The following USP39 variants were observed in gnomAD, a reference collection of about 807,000 sequenced individuals.
USP39 encodes the protein ubiquitin carboxyl-terminal hydrolase 39.
A neutral mutation model predicts 66.4 loss-of-function variants in USP39; 38 were observed. The ratio of observed to expected loss-of-function variants is 0.57; its 90% CI spans 0.44 to 0.75. The LOEUF (loss-of-function observed/expected upper bound fraction) is 0.75. Among genes scored for constraint, USP39 ranks in the 30% least tolerant of loss-of-function variants. USP39 has a pLI of 0.00. For synonymous variants in USP39, 303 were observed against 274.6 expected (o/e 1.10, Z -1.02); for missense variants, 608 against 714.4 (o/e 0.85, Z 1.70).
intron 3 of USP39, among the ~76,000 whole-genome samples, chr2:85,622,827 A>G (rs1188993912): frequency 6.6e-6 from 1 of 152,110 alleles, no homozygotes; most frequent in Non-Finnish European, 1.5e-5. Context: ...AGGATTGTTT[A>G]AAGTCAAGAG....
At position 85,648,710 on chromosome 2, in the gene USP39, C is replaced by A. The variant is rs373470077; in HGVS notation, c.1651-51C>A. The A allele has an allele frequency of 6.3e-6, 10 of 1,595,376 alleles. No individual in the cohort carries two copies. The African/African-American group carries it at 1.2e-4, about 19-fold the overall frequency. On this transcript the variant is annotated intron_variant, in intron 12 of 12. Coordinates refer to ENST00000323701, the MANE Select transcript of USP39 (RefSeq NM_006590.4). ...CACAGAATAGGTATTTGATAAGTGT[C>A]TGTTGACTGAATGCCTCCTAGACTT... is the stretch of plus-strand genomic sequence containing the variant.
chr2:85,617,902 C>G (rs1674119163), intron 1 of USP39, among the ~76,000 whole-genome samples: 1 of 151,916 alleles, frequency 6.6e-6, no homozygotes, highest in Admixed American at 6.6e-5. Flanking sequence ...AGGGTAAGAT[C>G]TGAGACCCAC....
chr2:85,637,581 G>A (rs1045281351), intron 8 of USP39, 145 bp downstream of exon 8: 9 of 814,190 alleles, frequency 1.1e-5, no homozygotes, highest in Admixed American at 9.5e-5. Flanking sequence ...AGCTCTGCCT[G>A]GTCCCTGTCA....
In USP39 at chr2:85,630,816, G is replaced by A. The variant is rs1172819978; in HGVS notation, c.819G>A (p.Leu273=). ...KRPPGDIMFL[L]VQRFGELMRK... is the part of the protein sequence containing the mutation. ...CTCCAGGGGATATCATGTTCTTGTT[G>A]GTCCAGCGTTTTGGAGAGCTGATGA... Residue 273 remains leucine (L), a synonymous_variant, in exon 6 of 13, where the codon TTG becomes TTA. Coordinates refer to ENST00000323701, the MANE Select transcript of USP39 (RefSeq NM_006590.4). The A allele has an allele frequency of 6.2e-7, 1 of 1,614,140 alleles. No individual in the cohort carries two copies. Among genetic ancestry groups the A allele is most frequent in the Non-Finnish European group, 8.5e-7 (1 of 1,180,032 alleles).
chr2:85,647,814 T>A (rs758447451), intron 11 of USP39, 116 bp from the exon 12 acceptor site: 57 of 810,582 alleles, frequency 7.0e-5, no homozygotes, highest in Non-Finnish European at 1.1e-4. Context: ...TGACTGTTGC[T>A]GGATGATGTC....
intron 1 of USP39, among the ~76,000 whole-genome samples, chr2:85,604,014 A>AC (rs1182650703): frequency 5.3e-5 from 8 of 152,184 alleles, no homozygotes; most frequent in African/African-American, 1.9e-4. Flanking sequence ...ACAGATCATC[A>AC]CCTGAATGGT....
chr2:85,616,177 G>T, upstream of USP39: 9 of 1,401,790 alleles, frequency 6.4e-6, no homozygotes, highest in South Asian at 3.2e-5. Flanking sequence ...TGCGCTGGAC[G>T]ACTCGGCCGG....
chr2:85,614,386 T>C (rs1372109938), upstream of USP39, among the ~76,000 whole-genome samples: 2 of 151,924 alleles, frequency 1.3e-5, no homozygotes, highest in Non-Finnish European at 2.9e-5. Context: ...TGGTGGCAGG[T>C]GCATGTAATC....
Position 85,641,116 on chromosome 2 carries a change from T to TA in USP39, c.1426dup (p.Thr476AsnfsTer11). The TA allele has an allele frequency of 6.2e-7, 1 of 1,612,500 alleles. No homozygotes were observed. The highest frequency in any genetic ancestry group is 8.5e-7 in the Non-Finnish European group (1 of 1,179,570). ...ATCCAACTATTGTCAATTTCCCTATTACGTAAGTAACATCCTGCCTCACTT... is the reference window on the plus strand; with the variant it reads ...ATCCAACTATTGTCAATTTCCCTATTAACGTAAGTAACATCCTGCCTCACTT... On this transcript the variant is annotated frameshift_variant and splice_region_variant, in exon 10 of 13. Transcript: ENST00000323701. LOFTEE classifies it high-confidence loss of function.
At chr2:85,612,621 G>A (rs1335111646), upstream of USP39, among the ~76,000 whole-genome samples, 1 of 152,106 alleles carries the variant, frequency 6.6e-6, no homozygotes, top group East Asian at 1.9e-4. Context: ...GGGTTTTTGA[G>A]GGACCTACGG....
chr2:85,636,194 G>A (rs972085486), intron 7 of USP39, 64 bp downstream of exon 7: 29 of 1,479,480 alleles, frequency 2.0e-5, no homozygotes, highest in Admixed American at 8.6e-5. Flanking sequence ...GCGGTCGGTC[G>A]CAATGGCTCA....
At chr2:85,615,437 G>A (rs1370243454), upstream of USP39, among the ~76,000 whole-genome samples, 4 of 152,162 alleles carry the variant, frequency 2.6e-5, no homozygotes, top group Admixed American at 6.5e-5. Flanking sequence ...TTAGCTTCAT[G>A]GTAAATCTGC....
chr2:85,604,645 C>G (rs529808286), intron 1 of USP39, among the ~76,000 whole-genome samples: 4 of 152,332 alleles, frequency 2.6e-5, no homozygotes, highest in Non-Finnish European at 5.9e-5. Flanking sequence ...TCACCTGCCG[C>G]TGGCTATGCT....
intron 1 of USP39, among the ~76,000 whole-genome samples, chr2:85,604,146 A>G (rs1262895277): frequency 1.3e-5 from 2 of 152,196 alleles, no homozygotes; most frequent in Non-Finnish European, 2.9e-5. Context: ...CTGCACAATG[A>G]CTTGAAGAGG....
intron 1 of USP39, among the ~76,000 whole-genome samples, chr2:85,616,734 G>T (rs1341254329): frequency 1.3e-4 from 19 of 145,658 alleles, no homozygotes; most frequent in Non-Finnish European, 3.0e-5. Context: ...ATGGAGTGCA[G>T]TGGCGCGATC....
At chr2:85,612,974 T>C (rs1286554018), upstream of USP39, among the ~76,000 whole-genome samples, 10 of 151,970 alleles carry the variant, frequency 6.6e-5, no homozygotes, top group East Asian at 1.9e-3. Flanking sequence ...TTTTTTTTTT[T>C]TTCTATTTTT....
At chr2:85,609,354 G>T, upstream of USP39, 1 of 1,548,496 alleles carries the variant, frequency 6.5e-7, no homozygotes. Context: ...GGGGTCCTGA[G>T]GAAAACAGGG....
intron 6 of USP39, among the ~76,000 whole-genome samples, chr2:85,634,301 C>T (rs895622646): frequency 2.6e-5 from 4 of 151,698 alleles, no homozygotes; most frequent in African/African-American, 7.3e-5. Flanking sequence ...GGGCCAGGCG[C>T]GCTGGCTCAT....
rs767612794 is a variant in USP39, at chr2:85,623,635, C to T, written c.434-11C>T. 6.8e-6 allele frequency: 11 copies of T among 1,610,560 alleles called. No individual in the cohort carries two copies. Among genetic ancestry groups the T allele is most frequent in the Middle Eastern group, 1.7e-4 (1 of 6,056 alleles). ...TGCCCTTCTATTACAGCTTTTCACC[C>T]TTCCCTACAGGCCGGGGTTTGAAGT... On this transcript the variant is annotated splice_polypyrimidine_tract_variant and intron_variant, in intron 3 of 12. Transcript: ENST00000323701.
Sources: allele counts gnomAD v4.1 joint callset (sites outside exome capture counted in the v4.1 genomes callset), GRCh38; gene constraint gnomAD v4.1.1; transcripts MANE v1.5; gene names NCBI Gene and HGNC (gene_info 2026-07-23, HGNC 2026-07-21).